Variants in GPATCH8 observed in about 807,000 individuals in gnomAD.
GPATCH8 encodes the protein G patch domain-containing protein 8.
Under a neutral mutation model 118.3 loss-of-function variants are expected in GPATCH8, and 18 were observed. The observed-to-expected ratio is 0.15, with a 90% CI of 0.11 to 0.23. The LOEUF is 0.23. Among genes scored for constraint, GPATCH8 ranks in the 10% least tolerant of loss-of-function variants. The pLI, the probability that GPATCH8 is intolerant of heterozygous loss-of-function variation, is 1.00. For synonymous variants in GPATCH8, 659 were observed against 684.7 expected, an observed-to-expected ratio of 0.96 and a Z score of 0.59; for missense variants, 1,631 against 1,873.8, an observed-to-expected ratio of 0.87 and a Z score of 2.39.
chr17:44,440,788 C>CA (rs2050662755), intron 3 of GPATCH8, among the ~76,000 whole-genome samples: 1 of 152,210 alleles, frequency 6.6e-6, no homozygotes, highest in Non-Finnish European at 1.5e-5. Context: ...AAGGTTACAT[C>CA]AATCTACAAA....
At chr17:44,427,902 T>C (rs374221562) in intron 5 of GPATCH8, among the ~76,000 whole-genome samples, 5 of 152,154 alleles carry the variant, frequency 3.3e-5, no homozygotes, top group African/African-American at 1.2e-4. Flanking sequence ...ACAACACAAA[T>C]ATAATCCATC....
At chr17:44,437,154 C>T (rs982450107) in intron 3 of GPATCH8, among the ~76,000 whole-genome samples, 1 of 151,970 alleles carries the variant, frequency 6.6e-6, no homozygotes, top group Non-Finnish European at 1.5e-5. Flanking sequence ...AATTAGTTGC[C>T]CTTAGAGAAA....
chr17:44,398,819 G>C lies in GPATCH8; in HGVS notation c.3258C>G (p.Asn1086Lys), dbSNP rs1325071573. 3 of 1,613,922 alleles carry C rather than the reference G, an allele frequency of 1.9e-6. No homozygotes were observed. Among genetic ancestry groups the C allele is most frequent in the African/African-American group, 2.7e-5 (2 of 74,888 alleles). The change falls in exon 8 of 8, where the codon AAC (asparagine) becomes AAG (lysine). Residue 1086 changes from asparagine to lysine, a missense_variant. By Grantham distance (94) the Asn-to-Lys change is moderately conservative. Around this residue, in one of 8 missense-constraint regions of GPATCH8, gnomAD observed 922 missense variants for 879.7 expected, o/e 1.05. Coordinates refer to ENST00000591680, the MANE Select transcript of GPATCH8 (RefSeq NM_001002909.4). ...CCAGTAGCAGTTTGGCAGTGACAGAGTTCTTGTCTTCAGGACTGCAGTCAC... is the reference window on the plus strand; with the variant it reads ...CCAGTAGCAGTTTGGCAGTGACAGACTTCTTGTCTTCAGGACTGCAGTCAC... Reference protein sequence around the residue: ...SEGDCSPEDKNSVTAKLLLEK... With the variant: ...SEGDCSPEDKKSVTAKLLLEK...
chr17:44,440,440 G>A (rs1424876050), intron 3 of GPATCH8, among the ~76,000 whole-genome samples: 1 of 152,116 alleles, frequency 6.6e-6, no homozygotes, highest in Non-Finnish European at 1.5e-5. Context: ...ATTTTTTAGA[G>A]ACAGGGTCGC....
chr17:44,448,099 A>G (rs2050954988), intron 3 of GPATCH8, among the ~76,000 whole-genome samples: 1 of 152,112 alleles, frequency 6.6e-6, no homozygotes, highest in Admixed American at 6.6e-5. Flanking sequence ...GCCCACTACC[A>G]AGCCCGGCTA....
At chr17:44,445,297 C>G (rs2050836817) in intron 3 of GPATCH8, among the ~76,000 whole-genome samples, 1 of 152,162 alleles carries the variant, frequency 6.6e-6, no homozygotes, top group Non-Finnish European at 1.5e-5. Context: ...AACCTCAAGT[C>G]AGCCCCCATA....
chr17:44,484,660 A>G (rs1049458981), intron 1 of GPATCH8, among the ~76,000 whole-genome samples: 7 of 152,170 alleles, frequency 4.6e-5, no homozygotes, highest in African/African-American at 1.4e-4. Context: ...CTAGGATCCC[A>G]CAGAGGATAC....
intron 3 of GPATCH8, among the ~76,000 whole-genome samples, chr17:44,437,223 C>A (rs2050542213): frequency 1.3e-5 from 2 of 152,160 alleles, no homozygotes; most frequent in Non-Finnish European, 2.9e-5. Flanking sequence ...GTGGATTTAA[C>A]ACTGGCTGCG....
chr17:44,468,055 G>GT (rs1966942759), intron 2 of GPATCH8, among the ~76,000 whole-genome samples: 1 of 150,220 alleles, frequency 6.7e-6, no homozygotes, highest in Non-Finnish European at 1.5e-5. Flanking sequence ...AGGCTGGAGT[G>GT]TAACGGCAAT....
intron 1 of GPATCH8, among the ~76,000 whole-genome samples, chr17:44,493,054 G>GTTTT (rs398039127): frequency 1.6e-5 from 2 of 124,390 alleles, no homozygotes. Context: ...AAGCCATTAG[G>GTTTT]TTTTTTTTTT....
At chr17:44,447,958 GAGAC>G (rs2144145017) in intron 3 of GPATCH8, among the ~76,000 whole-genome samples, 1 of 152,198 alleles carries the variant, frequency 6.6e-6, no homozygotes, top group East Asian at 1.9e-4. Context: ...GTTTGTTTGT[GAGAC>G]AGGGTCTCAC....
Position 44,399,223 on chromosome 17 carries a change from C to T in GPATCH8, c.2854G>A (p.Glu952Lys), listed in dbSNP as rs2048908343. The T allele has an allele frequency of 1.9e-6, 3 of 1,613,984 alleles. No homozygotes were observed. The highest frequency in any genetic ancestry group is 2.5e-6 in the Non-Finnish European group (3 of 1,179,986). The change falls in exon 8 of 8, where the codon GAG becomes AAG. Residue 952 changes from glutamate to lysine, a missense_variant. Glu to Lys is a moderately conservative substitution (Grantham distance 56). Transcript: ENST00000591680. ...CTGCGGCCCCGGGATCTTGAGCGCT[C>T]TCTGGTATGACTCCGAGATCGGCTT... ...SRSRSRSHTR[E>K]RSRSRGRSRS...
chr17:44,497,737 C>G (rs1279795500), intron 1 of GPATCH8, among the ~76,000 whole-genome samples: 1 of 149,402 alleles, frequency 6.7e-6, no homozygotes, highest in Non-Finnish European at 1.5e-5. Flanking sequence ...CCCAGGAGTT[C>G]AAGACCAGCC....
chr17:44,421,915 C>T (rs1295804298), intron 6 of GPATCH8, among the ~76,000 whole-genome samples: 1 of 148,584 alleles, frequency 6.7e-6, no homozygotes, highest in African/African-American at 2.5e-5. Flanking sequence ...TTAGTAGAGA[C>T]AGGGTTTTGC....
At chr17:44,416,386 G>A (rs1490585123) in intron 6 of GPATCH8, among the ~76,000 whole-genome samples, 1 of 152,128 alleles carries the variant, frequency 6.6e-6, no homozygotes. Flanking sequence ...CATAAGCAGA[G>A]GGGAATGAAT....
intron 1 of GPATCH8, among the ~76,000 whole-genome samples, chr17:44,500,352 T>C (rs891583354): frequency 6.6e-6 from 1 of 152,194 alleles, no homozygotes; most frequent in Admixed American, 6.5e-5. Flanking sequence ...GACTATGAGA[T>C]AAGACACATA....
intron 2 of GPATCH8, chr17:44,464,850 T>A (rs1338904884): frequency 2.9e-6 from 1 of 346,342 alleles, no homozygotes; most frequent in Non-Finnish European, 5.4e-6. Context: ...AATACATTTA[T>A]GAAGTTTTAA....
At chr17:44,450,580 T>A (rs1326963590) in intron 3 of GPATCH8, among the ~76,000 whole-genome samples, 1 of 83,464 alleles carries the variant, frequency 1.2e-5, no homozygotes, top group Admixed American at 1.3e-4. Context: ...ATAAACTACA[T>A]TTGAAATACT....
At chr17:44,470,976 C>T (rs933690169) in intron 2 of GPATCH8, among the ~76,000 whole-genome samples, 1 of 152,138 alleles carries the variant, frequency 6.6e-6, no homozygotes, top group Admixed American at 6.5e-5. Flanking sequence ...ACATTTGAGA[C>T]CTAAATATCT....
Sources: gnomAD v4.1 joint callset for allele counts (sites outside exome capture counted in the v4.1 genomes callset) on GRCh38, gnomAD v4.1.1 for gene constraint, gnomAD v4.1.1 regional missense constraint, MANE v1.5 for transcripts, NCBI Gene and HGNC (gene_info 2026-07-23, HGNC 2026-07-21) for gene names.